The following FAF1 variants were observed in gnomAD, a reference collection of about 807,000 sequenced individuals.
The protein encoded by FAF1 is Fas associated factor 1, also known as FAS-associated factor 1.
In FAF1, 25 loss-of-function variants were observed where a neutral mutation model predicts 92.5. That is an observed-to-expected ratio of 0.27 (90% confidence interval 0.20 to 0.38). The LOEUF is 0.38. FAF1 is among the 10% of genes least tolerant of loss of function. The pLI, the probability that FAF1 is intolerant of heterozygous loss-of-function variation, is 1.00. For missense variants in FAF1, 636 were observed against 793.3 expected (o/e 0.80, Z 2.38); for synonymous variants, 234 against 273.2 (o/e 0.86, Z 1.42).
intron 1 of FAF1, among the ~76,000 whole-genome samples, chr1:50,871,193 A>G (rs762049867): frequency 2.8e-4 from 43 of 152,358 alleles, no homozygotes; most frequent in Non-Finnish European, 5.6e-4. Context: ...TGAAGCTTGC[A>G]GAGGTTGGCT....
At chr1:50,859,921 T>C (rs1415312953) in intron 1 of FAF1, among the ~76,000 whole-genome samples, 1 of 151,794 alleles carries the variant, frequency 6.6e-6, no homozygotes, top group Non-Finnish European at 1.5e-5. Flanking sequence ...TGGAACAGAA[T>C]AGAGAACCCA....
rs761015630 is a variant in FAF1 at position 50,730,568 on chromosome 1, T to C, written c.551+8295A>G. The stretch of plus-strand genomic sequence containing the variant: ...ACACAATTCAATTATTTTCTATCTT[T>C]CTTATTGTAGTGAATTCTTTAATTT... On this transcript the variant is annotated intron_variant, in intron 6 of 18. Coordinates refer to ENST00000396153, the MANE Select transcript of FAF1 (RefSeq NM_007051.3). Among the ~76,000 whole-genome samples the C allele has an allele frequency of 8.5e-5, 13 of 152,358 alleles. 1 individual carries two copies. The Middle Eastern group carries it at 0.01, about 120-fold the overall frequency.
At chr1:50,916,711 A>G (rs770737111) in intron 1 of FAF1, among the ~76,000 whole-genome samples, 5 of 152,230 alleles carry the variant, frequency 3.3e-5, no homozygotes, top group Non-Finnish European at 7.3e-5. Context: ...AAGCCTTCAT[A>G]TTACTTCTCC....
intron 1 of FAF1, among the ~76,000 whole-genome samples, chr1:50,904,584 G>C (rs1644820366): frequency 6.6e-6 from 1 of 152,090 alleles, no homozygotes; most frequent in Admixed American, 6.5e-5. Flanking sequence ...CAAGCCCTCA[G>C]TAATATCTAG....
chr1:50,939,335 G>A (rs1204265194), intron 1 of FAF1, among the ~76,000 whole-genome samples: 1 of 152,152 alleles, frequency 6.6e-6, no homozygotes, highest in East Asian at 1.9e-4. Flanking sequence ...TATTGTAAAT[G>A]GGATTGTGCT....
intron 2 of FAF1, among the ~76,000 whole-genome samples, chr1:50,842,226 G>A (rs1644261751): frequency 6.6e-6 from 1 of 152,024 alleles, no homozygotes; most frequent in African/African-American, 2.4e-5. Context: ...TCATTCTCAT[G>A]TAAAAACTCT....
intron 7 of FAF1, among the ~76,000 whole-genome samples, chr1:50,682,691 T>TA (rs1656476817): frequency 6.6e-6 from 1 of 152,216 alleles, no homozygotes; most frequent in African/African-American, 2.4e-5. Context: ...TCAGCCATTT[T>TA]GAAAGTAACT....
chr1:50,638,235 C>T (rs997272680), intron 8 of FAF1, among the ~76,000 whole-genome samples: 3 of 152,042 alleles, frequency 2.0e-5, no homozygotes, highest in Admixed American at 2.0e-4. Context: ...AAGAAACAAA[C>T]TACTAAATAT....
intron 8 of FAF1, among the ~76,000 whole-genome samples, chr1:50,615,733 T>G (rs746534796): frequency 6.6e-6 from 1 of 152,196 alleles, no homozygotes; most frequent in Non-Finnish European, 1.5e-5. Context: ...TTTGTTTCAG[T>G]TCCTTACAGA....
intron 12 of FAF1, among the ~76,000 whole-genome samples, chr1:50,580,653 T>C (rs904885891): frequency 6.6e-6 from 1 of 152,160 alleles, no homozygotes; most frequent in Non-Finnish European, 1.5e-5. Context: ...GATTATAACA[T>C]GACTAAATTT....
intron 13 of FAF1, among the ~76,000 whole-genome samples, chr1:50,551,711 G>A (rs751352934): frequency 1.3e-5 from 2 of 152,100 alleles, no homozygotes; most frequent in Non-Finnish European, 2.9e-5. Flanking sequence ...CATATAATAA[G>A]GTGTTCCAAA....
At chr1:50,755,558 A>G (rs1306345218) in intron 4 of FAF1, among the ~76,000 whole-genome samples, 2 of 152,176 alleles carry the variant, frequency 1.3e-5, no homozygotes, top group Non-Finnish European at 2.9e-5. Context: ...GGTCTGGAGA[A>G]CAGTGGCTGT....
chr1:50,510,576 T>C (rs886165749), intron 15 of FAF1, among the ~76,000 whole-genome samples: 6 of 152,176 alleles, frequency 3.9e-5, no homozygotes, highest in Non-Finnish European at 8.8e-5. Flanking sequence ...TCCCTATGTG[T>C]CAGGGCTCTG....
chr1:50,571,077 A>G (rs1650416009), intron 12 of FAF1, among the ~76,000 whole-genome samples: 1 of 152,262 alleles, frequency 6.6e-6, no homozygotes, highest in Non-Finnish European at 1.5e-5. Context: ...GATTGAGACT[A>G]TAAAGATGAA....
rs1406065125 is a variant in FAF1, at chr1:50,567,034, T to C, written c.1268+43A>G. The C allele has an allele frequency of 5.5e-6, 8 of 1,442,962 alleles. No individual in the cohort carries two copies. In the East Asian group the frequency reaches 7.0e-5, roughly 13 times the overall value. The allele number at this position is 1,442,962 out of a possible 1,614,324, so 89.4% of individuals were successfully genotyped here. A position where few individuals can be genotyped will look rare whatever the true frequency, so the allele number is the denominator to read the frequency against. On this transcript the variant is annotated intron_variant, in intron 13 of 18. Transcript: ENST00000396153. ...TGATGATAAACACAATGATTTTTTTTTTAATAGAAGCCCAACTTGTAACTT... is the reference window on the plus strand; with the variant it reads ...TGATGATAAACACAATGATTTTTTTCTTAATAGAAGCCCAACTTGTAACTT...
chr1:50,465,565 C>G (rs2148992180), intron 18 of FAF1, among the ~76,000 whole-genome samples: 1 of 152,230 alleles, frequency 6.6e-6, no homozygotes, highest in South Asian at 2.1e-4. Context: ...CCTCTAAGAA[C>G]TTTTATTCTA....
At chr1:50,825,114 C>A (rs1330946345) in intron 2 of FAF1, among the ~76,000 whole-genome samples, 2 of 152,112 alleles carry the variant, frequency 1.3e-5, no homozygotes, top group African/African-American at 2.4e-5. Flanking sequence ...TTGGAATGCT[C>A]CCAACACAAA....
At chr1:50,765,694 A>G (rs1036837357) in intron 4 of FAF1, among the ~76,000 whole-genome samples, 1 of 152,236 alleles carries the variant, frequency 6.6e-6, no homozygotes, top group Non-Finnish European at 1.5e-5. Context: ...GGGCTTCTGG[A>G]CCTCAAATTC....
chr1:50,804,896 A>G (rs894119733), intron 2 of FAF1, among the ~76,000 whole-genome samples: 1 of 152,176 alleles, frequency 6.6e-6, no homozygotes, highest in Non-Finnish European at 1.5e-5. Context: ...ATAGCCCAGT[A>G]CCTGATCTAG....
Sources: allele counts gnomAD v4.1 joint callset (sites outside exome capture counted in the v4.1 genomes callset), GRCh38; gene constraint gnomAD v4.1.1; transcripts MANE v1.5; gene names NCBI Gene and HGNC (gene_info 2026-07-23, HGNC 2026-07-21).